Variants in MGAT5 observed in about 807,000 individuals in gnomAD.
The protein encoded by MGAT5 is alpha-1,6-mannosylglycoprotein 6-beta-N-acetylglucosaminyltransferase.
Under a neutral mutation model 94.3 loss-of-function variants are expected in MGAT5, and 30 were observed. The ratio of observed to expected loss-of-function variants is 0.32; its 90% CI spans 0.24 to 0.43. The LOEUF is 0.43. MGAT5 is among the 20% of genes least tolerant of loss of function. MGAT5 has a pLI of 1.00. For missense variants in MGAT5, 691 were observed against 905.5 expected, an observed-to-expected ratio of 0.76 and a Z score of 3.04; for synonymous variants, 310 against 322.9, an observed-to-expected ratio of 0.96 and a Z score of 0.43.
At chr2:134,255,442 T>A (rs750802594) in intron 1 of MGAT5, among the ~76,000 whole-genome samples, 13 of 150,642 alleles carry the variant, frequency 8.6e-5, no homozygotes, top group African/African-American at 2.9e-4. Flanking sequence ...TCTGATACTT[T>A]GCATACACAC....
chr2:134,233,232 G>C (rs984655676), intron 1 of MGAT5, among the ~76,000 whole-genome samples: 1 of 152,116 alleles, frequency 6.6e-6, no homozygotes, highest in Admixed American at 6.5e-5. Flanking sequence ...TGTCTACCAG[G>C]GAATGGCTCT....
chr2:134,130,034 G>A lies in MGAT5; in HGVS notation c.-143+9743G>A, dbSNP rs146692837. Among the ~76,000 whole-genome samples the A allele has an allele frequency of 1.5e-3, 221 of 152,296 alleles. 1 individual carries two copies. In the East Asian group the frequency reaches 0.022, roughly 15 times the overall value. ...GCTCCGCGGGCCCCGCACTCGGAGC[G>A]GCCGGCTGGGGCAGTGAGGGGCTTA... On this transcript the variant is annotated intron_variant, in intron 1 of 16. Transcript: ENST00000409645.
chr2:134,390,584 A>G (rs1051332926), intron 10 of MGAT5, among the ~76,000 whole-genome samples: 2 of 152,238 alleles, frequency 1.3e-5, no homozygotes, highest in Non-Finnish European at 2.9e-5. Context: ...TTCAAATCAC[A>G]TGGCAGAACC....
At chr2:134,189,597 T>TTTTTTG (rs796171408) in intron 1 of MGAT5, among the ~76,000 whole-genome samples, 5 of 87,134 alleles carry the variant, frequency 5.7e-5, no homozygotes, top group Non-Finnish European at 9.5e-5. Context: ...CTCTAGTTTT[T>TTTTTTG]TTTTGTTTTT....
upstream of MGAT5, among the ~76,000 whole-genome samples, chr2:134,249,937 G>T (rs1275606700): frequency 2.0e-5 from 3 of 152,228 alleles, no homozygotes; most frequent in African/African-American, 7.2e-5. Flanking sequence ...GTTCTTATCT[G>T]TATGTCCTTA....
intron 1 of MGAT5, among the ~76,000 whole-genome samples, chr2:134,141,889 G>A (rs1191969316): frequency 6.6e-6 from 1 of 152,222 alleles, no homozygotes; most frequent in Admixed American, 6.5e-5. Flanking sequence ...GCTCCTGAGA[G>A]CAGTGGAGAG....
intron 2 of MGAT5, among the ~76,000 whole-genome samples, chr2:134,299,055 A>G (rs915385234): frequency 3.3e-5 from 5 of 152,268 alleles, no homozygotes; most frequent in East Asian, 3.9e-4. Flanking sequence ...GCCCAAAAAC[A>G]CTTGCCCATC....
chr2:134,194,283 A>T (rs553620708), intron 1 of MGAT5, among the ~76,000 whole-genome samples: 2 of 152,288 alleles, frequency 1.3e-5, no homozygotes, highest in Non-Finnish European at 2.9e-5. Context: ...AGCTATCTGC[A>T]ATGATGGCTT....
chr2:134,129,123 G>A (rs373643279), intron 1 of MGAT5, among the ~76,000 whole-genome samples: 15 of 152,184 alleles, frequency 9.9e-5, no homozygotes, highest in Admixed American at 3.9e-4. Context: ...CTCACTGGCC[G>A]AGATCAAGGT....
chr2:134,260,991 G>C (rs78379164), intron 1 of MGAT5, among the ~76,000 whole-genome samples: 1 of 152,106 alleles, frequency 6.6e-6, no homozygotes, highest in Non-Finnish European at 1.5e-5. Flanking sequence ...GTAGAGTCCA[G>C]CCTGCCCAGT....
chr2:134,344,954 C>G lies in MGAT5; in HGVS notation c.1002C>G (p.Asn334Lys). The G allele has an allele frequency of 6.2e-7, 1 of 1,613,482 alleles. No homozygotes were observed. The highest frequency in any genetic ancestry group is 8.5e-7 in the Non-Finnish European group (1 of 1,179,630). The change falls in exon 8 of 16, where the codon AAC (asparagine) becomes AAG (lysine). Residue 334 changes from asparagine (N) to lysine (K), a missense_variant. This residue lies in a region of MGAT5 where 121 missense variants were observed against 206.1 expected (regional missense o/e 0.59). Transcript: ENST00000281923. Reference protein sequence around the residue: ...LKEIMKKVVGNRSGCPTVGDR... With the variant: ...LKEIMKKVVGKRSGCPTVGDR... ...GAATCATGAAGAAGGTTGTAGGAAA[C>G]CGATCTGGCTGCCCAACTGTAGGAG...
At chr2:134,321,238 A>G (rs1687296865) in intron 4 of MGAT5, among the ~76,000 whole-genome samples, 1 of 151,752 alleles carries the variant, frequency 6.6e-6, no homozygotes, top group African/African-American at 2.4e-5. Flanking sequence ...ATTTAGTTTA[A>G]TTTTCAAAAG....
chr2:134,385,317 C>G (rs1330011482), intron 10 of MGAT5, among the ~76,000 whole-genome samples: 4 of 152,148 alleles, frequency 2.6e-5, no homozygotes, highest in Non-Finnish European at 5.9e-5. Context: ...ATGCATTAAA[C>G]AGCAATAGCA....
At chr2:134,163,432 C>G (rs777959035) in intron 1 of MGAT5, among the ~76,000 whole-genome samples, 2 of 152,074 alleles carry the variant, frequency 1.3e-5, no homozygotes, top group African/African-American at 4.8e-5. Context: ...GAAAGGCCCA[C>G]CAGGTTAGAA....
At chr2:134,350,521 G>A (rs559744741) in intron 9 of MGAT5, among the ~76,000 whole-genome samples, 1 of 152,048 alleles carries the variant, frequency 6.6e-6, no homozygotes, top group East Asian at 1.9e-4. Flanking sequence ...TTCATGAGCC[G>A]ATATAGTAAG....
chr2:134,119,943 G>A (rs1203966224), upstream of MGAT5: 1 of 151,930 alleles, frequency 6.6e-6, no homozygotes, highest in Non-Finnish European at 1.5e-5. Context: ...CTAGAGCCGC[G>A]AGCCCAGAAG....
At chr2:134,225,453 T>G (rs1681013296) in intron 1 of MGAT5, among the ~76,000 whole-genome samples, 1 of 152,202 alleles carries the variant, frequency 6.6e-6, no homozygotes, top group Non-Finnish European at 1.5e-5. Flanking sequence ...AGAGGGATTG[T>G]GTTGTGGGCA....
At chr2:134,182,864 G>A (rs1490712797) in intron 1 of MGAT5, among the ~76,000 whole-genome samples, 1 of 133,364 alleles carries the variant, frequency 7.5e-6, no homozygotes, top group Admixed American at 9.1e-5. Flanking sequence ...TCAGCTCACT[G>A]CAAGCTCCGC....
Position 134,191,071 on chromosome 2 carries a change from G to A in MGAT5, c.-142-63191G>A, listed in dbSNP as rs1454309281. Reference sequence around the variant, plus strand: ...TTTCATGTTCCCAAGCCGAAACTGTGTCCCTCCCCGCCAGTCCCTGGCACC... The same window carrying A: ...TTTCATGTTCCCAAGCCGAAACTGTATCCCTCCCCGCCAGTCCCTGGCACC... On this transcript the variant is annotated intron_variant, in intron 1 of 16. Coordinates refer to the MGAT5 transcript ENST00000409645. 2.0e-5 allele frequency among the ~76,000 whole-genome samples: 3 copies of A among 152,128 alleles called. No individual in the cohort carries two copies. In the East Asian group the frequency reaches 5.8e-4, roughly 29 times the overall value.
Sources: gnomAD v4.1 joint callset for allele counts (sites outside exome capture counted in the v4.1 genomes callset) on GRCh38, gnomAD v4.1.1 for gene constraint, gnomAD v4.1.1 regional missense constraint, MANE v1.5 for transcripts, NCBI Gene and HGNC (gene_info 2026-07-23, HGNC 2026-07-21) for gene names.